The following HAS3 variants were observed in gnomAD, a reference collection of about 807,000 sequenced individuals.
HAS3 encodes the protein HA synthase 3.
Under a neutral mutation model 50.3 loss-of-function variants are expected in HAS3, and 27 were observed. The observed-to-expected ratio is 0.54, with a 90% confidence interval of 0.40 to 0.74. The LOEUF is 0.74. Ranked by LOEUF, HAS3 falls within the 30% of genes least tolerant of loss-of-function variation. The pLI is 0.00. For synonymous variants in HAS3, 339 were observed against 310.9 expected, an observed-to-expected ratio of 1.09 and a Z score of -0.95; for missense variants, 517 against 742.8, an observed-to-expected ratio of 0.70 and a Z score of 3.53.
At chr16:69,083,760 C>A in the HAS3 span, 1 of 1,353,348 alleles carries the variant, frequency 7.4e-7, no homozygotes, top group Non-Finnish European at 9.9e-7. Flanking sequence ...TGAGTGCTGG[C>A]AGCATGGCTG....
At position 69,107,370 on chromosome 16, in the gene HAS3, GCA is replaced by G; in HGVS notation, c.-1+1587_-1+1588del. ...ACCGGGGATGCGCCTTTGTCTACAG[GCA>G]CACTTTGCCAAGGTAGCTGGGGTAC... On this transcript the variant is annotated intron_variant, in intron 1 of 3. Coordinates refer to ENST00000569188, the MANE Select transcript of HAS3 (RefSeq NM_001199280.2). The surrounding 1 kb of genome is among the most constrained non-coding windows in gnomAD (Gnocchi z 5.5). The G allele has an allele frequency of 2.0e-6, 2 of 985,038 alleles. No individual in the cohort carries two copies. Among genetic ancestry groups the G allele is most frequent in the Non-Finnish European group, 2.4e-6 (2 of 829,540 alleles). 61.0% of individuals were successfully genotyped at this position (985,038 alleles called of 1,614,324 possible).
chr16:69,112,263 T>C (rs1051336190), intron 2 of HAS3, among the ~76,000 whole-genome samples: 2 of 152,152 alleles, frequency 1.3e-5, no homozygotes, highest in Admixed American at 6.5e-5. Flanking sequence ...GGCCTGTAAG[T>C]GGAGGAGGCT....
intron 2 of HAS3, 29 bp downstream of exon 2, chr16:69,110,060 A>C: frequency 6.4e-7 from 1 of 1,573,798 alleles, no homozygotes; most frequent in Non-Finnish European, 8.6e-7. Flanking sequence ...GAGCGTGTGT[A>C]CATGGGGATA....
At position 69,117,231 on chromosome 16, in the gene HAS3, CTTGT is replaced by C. The variant is rs747996667; in HGVS notation, c.*1968_*1971del. On this transcript the variant is annotated 3_prime_UTR_variant, in exon 4 of 4. Transcript: ENST00000569188. ...TGCAGAGTTCAGACTTCGCTAAGGG[CTTGT>C]TTTTCTTCAGCATTTACTTGAAGAT... The C allele has an allele frequency of 3.0e-4, 294 of 985,812 alleles. No individual in the cohort carries two copies. Among genetic ancestry groups the C allele is most frequent in the East Asian group, 7.9e-4 (7 of 8,818 alleles). 61.1% of individuals were successfully genotyped at this position (985,812 alleles called of 1,614,324 possible). A position where few individuals can be genotyped will look rare whatever the true frequency, so the allele number is the denominator to read the frequency against.
intron 2 of HAS3, 120 bp downstream of exon 2, chr16:69,110,151 C>T (rs1960952232): frequency 9.9e-7 from 1 of 1,012,784 alleles, no homozygotes; most frequent in African/African-American, 1.6e-5. Flanking sequence ...CACCTGTGCA[C>T]TTAAGAAGGC....
chr16:69,103,801 G>C (rs1960721092), upstream of HAS3, among the ~76,000 whole-genome samples: 1 of 152,352 alleles, frequency 6.6e-6, no homozygotes, highest in South Asian at 2.1e-4. Flanking sequence ...GGATGCTGCT[G>C]TCTGGTTTAC....
Position 69,116,140 on chromosome 16 carries a change from T to C in HAS3, c.*874T>C. On this transcript the variant is annotated 3_prime_UTR_variant, in exon 4 of 4. Transcript: ENST00000569188. ...TTGGGTATTTTAACCTGTATACTCT[T>C]GAATTCCTCTCAAATTCAGCTCTGA... 1 of 985,408 alleles carries C rather than the reference T, an allele frequency of 1.0e-6. No individual in the cohort carries two copies. Among genetic ancestry groups the C allele is most frequent in the Non-Finnish European group, 1.2e-6 (1 of 829,860 alleles). The allele number at this position is 985,408 out of a possible 1,614,324, so 61.0% of individuals were successfully genotyped here.
At chr16:69,103,541 G>A (rs372224318), upstream of HAS3, among the ~76,000 whole-genome samples, 15 of 151,846 alleles carry the variant, frequency 9.9e-5, no homozygotes, top group African/African-American at 3.6e-4. Context: ...GATTACAGGC[G>A]CCTGCCACCA....
upstream of HAS3, among the ~76,000 whole-genome samples, chr16:69,102,601 T>C (rs1417717776): frequency 1.3e-5 from 2 of 152,106 alleles, no homozygotes; most frequent in Non-Finnish European, 2.9e-5. Flanking sequence ...GGGCAGGCCA[T>C]TTAGGGGGCA....
chr16:69,116,136 C>T lies in HAS3; in HGVS notation c.*870C>T. 2.0e-6 allele frequency: 2 copies of T among 985,384 alleles called. No individual in the cohort carries two copies. The highest frequency in any genetic ancestry group is 2.4e-6 in the Non-Finnish European group (2 of 829,830). The allele number at this position is 985,384 out of a possible 1,614,324, so 61.0% of individuals were successfully genotyped here. On this transcript the variant is annotated 3_prime_UTR_variant, in exon 4 of 4. Transcript: ENST00000569188. The stretch of plus-strand genomic sequence containing the variant: ...AGTCTTGGGTATTTTAACCTGTATA[C>T]TCTTGAATTCCTCTCAAATTCAGCT...
chr16:69,085,592 CTT>C, the HAS3 span, among the ~76,000 whole-genome samples: 28 of 143,492 alleles, frequency 2.0e-4, no homozygotes, highest in African/African-American at 3.6e-4. Flanking sequence ...TTCTTTCTTT[CTT>C]TTTTTTTTTT....
the HAS3 span, among the ~76,000 whole-genome samples, chr16:69,097,700 G>A: frequency 2.0e-5 from 3 of 152,004 alleles, no homozygotes; most frequent in African/African-American, 7.3e-5. Context: ...CTTTCTTCAG[G>A]GAAAAGCCTC....
At chr16:69,094,391 T>C in the HAS3 span, among the ~76,000 whole-genome samples, 1 of 152,106 alleles carries the variant, frequency 6.6e-6, no homozygotes, top group Non-Finnish European at 1.5e-5. Flanking sequence ...ACTTCAAAAC[T>C]TGGCGACCAT....
chr16:69,108,577 C>T (rs1960890352), intron 1 of HAS3, among the ~76,000 whole-genome samples: 1 of 152,096 alleles, frequency 6.6e-6, no homozygotes, highest in Non-Finnish European at 1.5e-5. Flanking sequence ...GGCACTAGGA[C>T]CAAGCGGATG....
In HAS3 at chr16:69,117,216, A is replaced by C; in HGVS notation, c.*1950A>C. On this transcript the variant is annotated 3_prime_UTR_variant, in exon 4 of 4. Coordinates refer to ENST00000569188, the MANE Select transcript of HAS3 (RefSeq NM_001199280.2). ...ATCCGGTCAGCCAAGTGCAGAGTTC[A>C]GACTTCGCTAAGGGCTTGTTTTTCT... is the stretch of plus-strand genomic sequence containing the variant. 1.0e-6 allele frequency: 1 copy of C among 985,892 alleles called. No homozygotes were observed. Among genetic ancestry groups the C allele is most frequent in the African/African-American group, 1.7e-5 (1 of 57,374 alleles). 61.1% of individuals were successfully genotyped at this position (985,892 alleles called of 1,614,324 possible).
chr16:69,115,179 G>A lies in HAS3; in HGVS notation c.1575G>A (p.Val525=), dbSNP rs1347347364. The change falls in exon 4 of 4, where the codon GTG becomes GTA. Residue 525 remains valine, a synonymous_variant. Transcript: ENST00000569188. ...CTATACTGTATGGCTGCTACTGGGT[G>A]GCCCTCCTCATGCTATATCTGGCCA... ...SGAILYGCYW[V]ALLMLYLAII... The A allele has an allele frequency of 2.5e-6, 4 of 1,590,432 alleles. No homozygotes were observed. The East Asian group carries it at 9.0e-5, about 36-fold the overall frequency.
chr16:69,110,129 G>T, intron 2 of HAS3, 98 bp downstream of exon 2: 1 of 1,257,806 alleles, frequency 8.0e-7, no homozygotes, highest in Middle Eastern at 2.8e-4. Context: ...TAGGTCCCTT[G>T]GGTTGTGCAC....
At chr16:69,111,157 ATTTTTT>A (rs71148963) in intron 2 of HAS3, among the ~76,000 whole-genome samples, 158 of 62,274 alleles carry the variant, frequency 2.5e-3, no homozygotes, top group Admixed American at 4.1e-3. Context: ...CTAGGCCAGG[ATTTTTT>A]TTTTTTTTTT....
At chr16:69,096,571 T>TGGG in the HAS3 span, among the ~76,000 whole-genome samples, 1 of 119,828 alleles carries the variant, frequency 8.3e-6, no homozygotes, top group African/African-American at 3.1e-5. Flanking sequence ...AAAAGAATTG[T>TGGG]GGGGCCAGGC....
Sources: gnomAD v4.1 joint callset for allele counts (sites outside exome capture counted in the v4.1 genomes callset) on GRCh38, gnomAD v4.1.1 for gene constraint, Gnocchi (gnomAD v3.1) non-coding constraint, MANE v1.5 for transcripts, NCBI Gene and HGNC (gene_info 2026-07-23, HGNC 2026-07-21) for gene names.